The following BCL7C variants were observed in gnomAD, a reference collection of about 807,000 sequenced individuals.
The protein encoded by BCL7C is BAF chromatin remodeling complex subunit BCL7C.
BCL7C carries 8 observed loss-of-function variants against 26.2 expected under a neutral mutation model. That is an observed-to-expected ratio of 0.30 (90% confidence interval 0.18 to 0.55). The LOEUF (loss-of-function observed/expected upper bound fraction) is 0.55. BCL7C is among the 20% of genes least tolerant of loss of function. BCL7C has a pLI of 0.93. For missense variants in BCL7C, 262 were observed against 298.5 expected (o/e 0.88, Z 0.90); for synonymous variants, 90 against 116.5 (o/e 0.77, Z 1.47).
At chr16:30,855,694 G>A (rs949204175) in intron 5 of BCL7C, among the ~76,000 whole-genome samples, 1 of 152,128 alleles carries the variant, frequency 6.6e-6, no homozygotes. Flanking sequence ...GGAGGCTAAG[G>A]CAAGAGGATC....
chr16:30,865,091 C>T (rs560529517), intron 5 of BCL7C, among the ~76,000 whole-genome samples: 1 of 148,326 alleles, frequency 6.7e-6, no homozygotes, highest in African/African-American at 2.5e-5. Context: ...TCACTTGAAC[C>T]TGGGAGGCGG....
intron 5 of BCL7C, among the ~76,000 whole-genome samples, chr16:30,888,407 G>C (rs2143146261): frequency 6.6e-6 from 1 of 152,234 alleles, no homozygotes; most frequent in Non-Finnish European, 1.5e-5. Flanking sequence ...CGCGATCCTG[G>C]CTCACTGCAG....
intron 4 of BCL7C, among the ~76,000 whole-genome samples, chr16:30,891,901 C>A (rs2055243490): frequency 6.7e-6 from 1 of 148,268 alleles, no homozygotes; most frequent in Non-Finnish European, 1.5e-5. Context: ...GAGTTTGAGG[C>A]TGCAGTGAGC....
At position 30,841,469 on chromosome 16, in the gene BCL7C, G is replaced by A. The variant is rs553857219; in HGVS notation, c.529-6321C>T. On this transcript the variant is annotated intron_variant, in intron 5 of 5. Transcript: ENST00000380317. ...ACTCACACTGCGCCTGCTGCCAAAAGGTTTGCTGAGGGCCATCACTCCCTG... is the reference window on the plus strand; with the variant it reads ...ACTCACACTGCGCCTGCTGCCAAAAAGTTTGCTGAGGGCCATCACTCCCTG... Among the ~76,000 whole-genome samples the A allele has an allele frequency of 7.2e-5, 11 of 152,262 alleles. No individual in the cohort carries two copies. The Middle Eastern group carries it at 0.01, about 141-fold the overall frequency.
Position 30,843,251 on chromosome 16 carries a change from G to A in BCL7C, c.529-8103C>T, listed in dbSNP as rs148486432. ...GTCATAGACACTAATGGAGGGAGAG[G>A]AAGACAATGTAGCAAGAGTTGGTGT... On this transcript the variant is annotated intron_variant, in intron 5 of 5. Coordinates refer to the BCL7C transcript ENST00000380317. 2.2e-3 allele frequency among the ~76,000 whole-genome samples: 339 copies of A among 152,320 alleles called. 3 individuals carry two copies. Among genetic ancestry groups the A allele is most frequent in the African/African-American group, 6.8e-3 (284 of 41,580 alleles).
At chr16:30,847,568 G>T (rs1345621559) in intron 5 of BCL7C, among the ~76,000 whole-genome samples, 2 of 152,104 alleles carry the variant, frequency 1.3e-5, no homozygotes, top group Non-Finnish European at 2.9e-5. Flanking sequence ...GACCAAGGCG[G>T]GTGGATCACC....
intron 5 of BCL7C, chr16:30,875,657 C>A (rs1192118990): frequency 6.6e-6 from 1 of 152,264 alleles, no homozygotes; most frequent in Non-Finnish European, 1.5e-5. Context: ...CTCCACCGGG[C>A]CGCGGCACAG....
At chr16:30,838,604 G>T (rs536990801) in intron 5 of BCL7C, among the ~76,000 whole-genome samples, 1 of 152,300 alleles carries the variant, frequency 6.6e-6, no homozygotes, top group South Asian at 2.1e-4. Context: ...CCAACATGGC[G>T]ATACCCTGTC....
intron 5 of BCL7C, among the ~76,000 whole-genome samples, chr16:30,848,669 C>T (rs1216055889): frequency 3.3e-5 from 5 of 152,038 alleles, no homozygotes; most frequent in East Asian, 1.9e-4. Context: ...GCCAGCAGAT[C>T]GCCTGAGGTC....
chr16:30,883,330 A>C (rs367808972), downstream of BCL7C, among the ~76,000 whole-genome samples: 2 of 151,962 alleles, frequency 1.3e-5, no homozygotes, highest in Non-Finnish European at 2.9e-5. Flanking sequence ...TCTGGAAGAG[A>C]TAGCTTTTTA....
At chr16:30,850,253 GC>G (rs1356301448) in intron 5 of BCL7C, among the ~76,000 whole-genome samples, 1 of 151,044 alleles carries the variant, frequency 6.6e-6, no homozygotes, top group East Asian at 1.9e-4. Flanking sequence ...AAAGAAATAT[GC>G]CTTCCAAATT....
chr16:30,890,272 G>GT (rs1389205635), intron 4 of BCL7C, among the ~76,000 whole-genome samples: 1 of 152,116 alleles, frequency 6.6e-6, no homozygotes, highest in Non-Finnish European at 1.5e-5. Context: ...TGTGCAGCCT[G>GT]TAATCCCAGC....
chr16:30,866,310 T>C (rs988696072), intron 5 of BCL7C, among the ~76,000 whole-genome samples: 2 of 152,072 alleles, frequency 1.3e-5, no homozygotes, highest in African/African-American at 2.4e-5. Context: ...GGTGCGGTGG[T>C]TCACGCCTGT....
At chr16:30,835,173 G>A in intron 5 of BCL7C, 1 of 1,450,560 alleles carries the variant, frequency 6.9e-7, no homozygotes. Flanking sequence ...GAAGAATCTG[G>A]GTAGTGTTTC....
intron 5 of BCL7C, among the ~76,000 whole-genome samples, chr16:30,861,246 C>T (rs1255423474): frequency 6.6e-6 from 1 of 152,160 alleles, no homozygotes; most frequent in African/African-American, 2.4e-5. Context: ...CTTAATTAAC[C>T]TTGCCTTCAA....
chr16:30,887,914 T>G lies in BCL7C; in HGVS notation c.605A>C (p.Glu202Ala). Residue 202 changes from glutamate (E) to alanine (A), a missense_variant, in exon 6 of 6, where the codon GAG (glutamate) becomes GCG (alanine). Glu to Ala is a moderately radical substitution (Grantham distance 107). Transcript: ENST00000215115. ...EAAQGDTEDS[E>A]GAPPLKRICP... Reference sequence around the variant, plus strand: ...GATGCGCTTGAGTGGGGGGGCACCCTCCGAGTCCTCTGTGTCACCCTGGGC... The same window carrying G: ...GATGCGCTTGAGTGGGGGGGCACCCGCCGAGTCCTCTGTGTCACCCTGGGC... 1 of 1,604,210 alleles carries G rather than the reference T, an allele frequency of 6.2e-7. No individual in the cohort carries two copies. Among genetic ancestry groups the G allele is most frequent in the African/African-American group, 1.3e-5 (1 of 74,254 alleles).
chr16:30,873,083 G>A (rs569119666), intron 5 of BCL7C, among the ~76,000 whole-genome samples: 41 of 22,976 alleles, frequency 1.8e-3, no homozygotes, highest in African/African-American at 4.6e-3. Context: ...GATGGAACTA[G>A]GTGTATTCAA....
At chr16:30,874,297 A>T (rs1183189325) in intron 5 of BCL7C, among the ~76,000 whole-genome samples, 3 of 151,944 alleles carry the variant, frequency 2.0e-5, no homozygotes, top group Non-Finnish European at 4.4e-5. Context: ...AGCCCAGCCT[A>T]AATTCAATTA....
intron 5 of BCL7C, among the ~76,000 whole-genome samples, chr16:30,864,865 G>A (rs1234287350): frequency 3.3e-5 from 2 of 60,198 alleles, no homozygotes; most frequent in Non-Finnish European, 6.1e-5. Flanking sequence ...CCCTTAAGAA[G>A]GTACTTTGTA....
Sources: gnomAD v4.1 joint callset for allele counts (sites outside exome capture counted in the v4.1 genomes callset) on GRCh38, gnomAD v4.1.1 for gene constraint, MANE v1.5 for transcripts, NCBI Gene and HGNC (gene_info 2026-07-23, HGNC 2026-07-21) for gene names.